GMDS: variants seen among roughly 807,000 people sequenced by gnomAD.
GMDS encodes the protein GDP-mannose 4,6-dehydratase, also known as GDP-mannose 4,6 dehydratase.
A neutral mutation model predicts 49.9 loss-of-function variants in GMDS; 20 were observed. The observed-to-expected ratio is 0.40, with a 90% CI of 0.28 to 0.58. The LOEUF (loss-of-function observed/expected upper bound fraction) is 0.58, where lower values mean the gene tolerates loss of function less well. Among genes scored for constraint, GMDS ranks in the 20% least tolerant of loss-of-function variants. The pLI is 0.42. For missense variants in GMDS, 362 were observed against 481.4 expected (o/e 0.75, Z 2.32); for synonymous variants, 177 against 178.6 (o/e 0.99, Z 0.07).
At chr6:1,806,061 G>A (rs911154319) in intron 7 of GMDS, among the ~76,000 whole-genome samples, 5 of 152,222 alleles carry the variant, frequency 3.3e-5, no homozygotes, top group Non-Finnish European at 5.9e-5. Context: ...GGAAGATCTT[G>A]TGAGCCAAGG....
chr6:1,896,741 G>A (rs898749409), intron 7 of GMDS, among the ~76,000 whole-genome samples: 5 of 152,226 alleles, frequency 3.3e-5, no homozygotes, highest in African/African-American at 1.2e-4. Context: ...CTTCTGGATG[G>A]TGGTGTAGAC....
intron 7 of GMDS, among the ~76,000 whole-genome samples, chr6:1,881,818 G>T (rs1759376277): frequency 6.6e-6 from 1 of 152,152 alleles, no homozygotes; most frequent in Non-Finnish European, 1.5e-5. Context: ...TGAAGCAAAA[G>T]ACATCACTCA....
chr6:1,764,563 T>C (rs1247480032), intron 7 of GMDS, among the ~76,000 whole-genome samples: 5 of 152,202 alleles, frequency 3.3e-5, no homozygotes, highest in African/African-American at 7.2e-5. Flanking sequence ...CTCTGTGATC[T>C]ACAAAATGTT....
intron 9 of GMDS, among the ~76,000 whole-genome samples, chr6:1,702,054 C>T (rs1427843670): frequency 2.0e-5 from 3 of 152,192 alleles, no homozygotes; most frequent in African/African-American, 7.2e-5. Context: ...TGGGTATTAT[C>T]GAACTAGAAA....
intron 1 of GMDS, among the ~76,000 whole-genome samples, chr6:2,234,926 G>A (rs1037280357): frequency 3.9e-5 from 6 of 152,140 alleles, no homozygotes; most frequent in South Asian, 2.1e-4. Context: ...TGGAGTTCGA[G>A]ACCAGCCTGA....
intron 9 of GMDS, among the ~76,000 whole-genome samples, chr6:1,688,970 G>A (rs558895533): frequency 1.3e-5 from 2 of 152,192 alleles, no homozygotes; most frequent in Non-Finnish European, 2.9e-5. Context: ...AGATGTGGAT[G>A]ATCATTACTG....
rs1273137284 is a variant in GMDS at position 2,117,417 on chromosome 6, A to G, written c.235+52T>C. 9.8e-6 allele frequency: 10 copies of G among 1,022,364 alleles called. No homozygotes were observed. In the Admixed American group the frequency reaches 1.6e-4, roughly 16 times the overall value. The allele number at this position is 1,022,364 out of a possible 1,614,324, so 63.3% of individuals were successfully genotyped here. On this transcript the variant is annotated intron_variant, in intron 3 of 10. Coordinates refer to ENST00000380815, the MANE Select transcript of GMDS (RefSeq NM_001500.4). ...GAAAACACCTTATCTGAACATAGGA[A>G]CATCTGAAAACACCTTATAGAAAGA...
chr6:1,954,292 C>T (rs1425446362), intron 6 of GMDS, among the ~76,000 whole-genome samples: 1 of 152,210 alleles, frequency 6.6e-6, no homozygotes, highest in Admixed American at 6.5e-5. Flanking sequence ...CCATCTGTGC[C>T]TTTTGCTGGT....
intron 6 of GMDS, among the ~76,000 whole-genome samples, chr6:1,944,732 C>T (rs115505096): frequency 1.6e-3 from 247 of 150,856 alleles, no homozygotes; most frequent in African/African-American, 5.6e-3. Flanking sequence ...ATAGTATTGG[C>T]TTATAGCCAC....
chr6:1,745,611 GA>G (rs1373913958), intron 7 of GMDS, among the ~76,000 whole-genome samples: 6 of 152,210 alleles, frequency 3.9e-5, no homozygotes, highest in Non-Finnish European at 8.8e-5. Flanking sequence ...CAAGAGCCAA[GA>G]ATCTGCTCTT....
intron 4 of GMDS, among the ~76,000 whole-genome samples, chr6:2,053,486 A>T (rs1441832066): frequency 6.6e-6 from 1 of 152,116 alleles, no homozygotes; most frequent in African/African-American, 2.4e-5. Flanking sequence ...GGCTTTTCTG[A>T]GATTTTTAAA....
At chr6:1,982,993 A>G (rs1487504746) in intron 4 of GMDS, among the ~76,000 whole-genome samples, 1 of 152,234 alleles carries the variant, frequency 6.6e-6, no homozygotes, top group Non-Finnish European at 1.5e-5. Flanking sequence ...ACAAGGCTAC[A>G]GTAATCAAAA....
At chr6:1,961,830 C>T (rs993766648) in intron 4 of GMDS, among the ~76,000 whole-genome samples, 1 of 152,178 alleles carries the variant, frequency 6.6e-6, no homozygotes, top group Non-Finnish European at 1.5e-5. Flanking sequence ...GTCTTCGTCA[C>T]TGCTGGGTCC....
At chr6:2,049,046 A>G (rs1770197631) in intron 4 of GMDS, among the ~76,000 whole-genome samples, 1 of 152,166 alleles carries the variant, frequency 6.6e-6, no homozygotes, top group African/African-American at 2.4e-5. Flanking sequence ...TCCCTGCCAC[A>G]TGGGGACACG....
At chr6:1,681,573 C>T (rs370362641) in intron 9 of GMDS, among the ~76,000 whole-genome samples, 67 of 152,292 alleles carry the variant, frequency 4.4e-4, no homozygotes, top group African/African-American at 1.6e-3. Flanking sequence ...CCAGGGAAGG[C>T]CTCCGGTGGA....
intron 8 of GMDS, among the ~76,000 whole-genome samples, chr6:1,740,212 GTAAT>G (rs1005277606): frequency 4.6e-5 from 7 of 152,244 alleles, no homozygotes; most frequent in African/African-American, 1.7e-4. Flanking sequence ...ATTAAAAAAA[GTAAT>G]TAATGAGAGT....
chr6:2,147,496 G>C (rs1426916814), intron 1 of GMDS, among the ~76,000 whole-genome samples: 2 of 152,000 alleles, frequency 1.3e-5, no homozygotes, highest in Non-Finnish European at 2.9e-5. Context: ...TTCCAAATGG[G>C]GAAGGAAAGA....
chr6:1,764,108 G>C (rs1768260879), intron 7 of GMDS, among the ~76,000 whole-genome samples: 1 of 152,076 alleles, frequency 6.6e-6, no homozygotes, highest in Admixed American at 6.5e-5. Flanking sequence ...AAAAAAAGCT[G>C]TTTGTTTGAA....
At chr6:2,173,089 C>A (rs951780661) in intron 1 of GMDS, among the ~76,000 whole-genome samples, 1 of 151,984 alleles carries the variant, frequency 6.6e-6, no homozygotes, top group African/African-American at 2.4e-5. Context: ...TTTTTAAATA[C>A]TAGTCTAATT....
Sources: gnomAD v4.1 joint callset for allele counts (sites outside exome capture counted in the v4.1 genomes callset) on GRCh38, gnomAD v4.1.1 for gene constraint, MANE v1.5 for transcripts, NCBI Gene and HGNC (gene_info 2026-07-23, HGNC 2026-07-21) for gene names.